Variants in PLPPR5 observed in about 807,000 individuals in gnomAD.
PLPPR5 encodes phospholipid phosphatase related 5.
A neutral mutation model predicts 33.9 loss-of-function variants in PLPPR5; 16 were observed. That is an observed-to-expected ratio of 0.47 (90% CI 0.32 to 0.72). The LOEUF (loss-of-function observed/expected upper bound fraction) is 0.72, where lower values mean the gene tolerates loss of function less well. PLPPR5 is among the 30% of genes least tolerant of loss of function. The pLI, the probability that PLPPR5 is intolerant of heterozygous loss-of-function variation, is 0.03. For missense variants in PLPPR5, 301 were observed against 406.7 expected (o/e 0.74, Z 2.23); for synonymous variants, 163 against 150.3 (o/e 1.08, Z -0.62).
chr1:98,922,750 C>T (rs1227111839), intron 3 of PLPPR5, among the ~76,000 whole-genome samples: 1 of 152,120 alleles, frequency 6.6e-6, no homozygotes, highest in African/African-American at 2.4e-5. Context: ...CTTTGGGAGG[C>T]CGAGGCGGGC....
chr1:98,896,828 TAC>T (rs1373358656), intron 5 of PLPPR5, among the ~76,000 whole-genome samples: 4 of 150,712 alleles, frequency 2.7e-5, no homozygotes, highest in African/African-American at 9.7e-5. Flanking sequence ...ACATAGAAAA[TAC>T]AGTCTGTAAT....
At chr1:98,921,162 A>G (rs1393855701) in intron 4 of PLPPR5, among the ~76,000 whole-genome samples, 1 of 152,182 alleles carries the variant, frequency 6.6e-6, no homozygotes, top group African/African-American at 2.4e-5. Context: ...ACTAAAATAC[A>G]TTTTCCAACA....
At chr1:98,927,835 C>T (rs1015636188) in intron 3 of PLPPR5, among the ~76,000 whole-genome samples, 4 of 152,114 alleles carry the variant, frequency 2.6e-5, no homozygotes, top group African/African-American at 9.7e-5. Context: ...CCTTCCCTTC[C>T]CCTAGGTTGG....
In PLPPR5 at chr1:98,914,495, C is replaced by T. The variant is rs756899593; in HGVS notation, c.933+291G>A. On this transcript the variant is annotated intron_variant, in intron 5 of 5. Transcript: ENST00000263177. ...AAAGATGAGGTTTCTCCATGTTGGC[C>T]AGGCTGGTCTTGAACTCCTGGTTTC... Among the ~76,000 whole-genome samples, 31 of 152,062 alleles carry T rather than the reference C, an allele frequency of 2.0e-4. 1 individual carries two copies. Among genetic ancestry groups the T allele is most frequent in the Admixed American group, 2.0e-3 (31 of 15,254 alleles).
At chr1:98,993,071 A>T (rs1652506428) in intron 1 of PLPPR5, among the ~76,000 whole-genome samples, 1 of 152,134 alleles carries the variant, frequency 6.6e-6, no homozygotes, top group Non-Finnish European at 1.5e-5. Flanking sequence ...AATATGTATA[A>T]AGTAGTTGAA....
chr1:98,944,004 TAGAG>T (rs1045386987), intron 3 of PLPPR5, among the ~76,000 whole-genome samples: 1 of 152,170 alleles, frequency 6.6e-6, no homozygotes, highest in Non-Finnish European at 1.5e-5. Context: ...ACTAAGGAGA[TAGAG>T]ATAGTTTGGA....
At chr1:98,913,921 C>T (rs1649246939) in intron 5 of PLPPR5, among the ~76,000 whole-genome samples, 1 of 152,318 alleles carries the variant, frequency 6.6e-6, no homozygotes, top group Non-Finnish European at 1.5e-5. Flanking sequence ...CTAATGAGGC[C>T]TTGGCCTACC....
intron 4 of PLPPR5, among the ~76,000 whole-genome samples, chr1:98,919,811 T>C (rs959890009): frequency 2.6e-5 from 4 of 152,176 alleles, no homozygotes; most frequent in African/African-American, 7.2e-5. Context: ...AAGCAAACTA[T>C]AGTTTATGGA....
intron 5 of PLPPR5, among the ~76,000 whole-genome samples, chr1:98,902,726 A>T (rs1648743209): frequency 6.6e-6 from 1 of 152,072 alleles, no homozygotes; most frequent in African/African-American, 2.4e-5. Flanking sequence ...TCCATGTGTA[A>T]CTAATTATGT....
At chr1:98,939,247 G>T in intron 3 of PLPPR5, among the ~76,000 whole-genome samples, 1 of 151,740 alleles carries the variant, frequency 6.6e-6, no homozygotes, top group Admixed American at 6.6e-5. Flanking sequence ...ATAAAATAAT[G>T]ATTATTATCA....
chr1:99,003,210 T>C (rs1426981498), intron 1 of PLPPR5, among the ~76,000 whole-genome samples: 1 of 151,110 alleles, frequency 6.6e-6, no homozygotes, highest in East Asian at 1.9e-4. Flanking sequence ...TATCAAGAAA[T>C]TACTTGATTT....
intron 1 of PLPPR5, among the ~76,000 whole-genome samples, chr1:98,992,520 A>C (rs957780042): frequency 6.6e-6 from 1 of 152,144 alleles, no homozygotes; most frequent in Non-Finnish European, 1.5e-5. Context: ...TAAGAATTCA[A>C]AATCTGTGCA....
At chr1:98,990,839 A>G (rs892306348) in intron 1 of PLPPR5, 4 of 151,714 alleles carry the variant, frequency 2.6e-5, no homozygotes, top group African/African-American at 9.7e-5. Context: ...TTAAAGAAAC[A>G]AGAGTGTCTA....
chr1:98,935,009 A>G (rs1360342802), intron 3 of PLPPR5, among the ~76,000 whole-genome samples: 4 of 152,192 alleles, frequency 2.6e-5, no homozygotes, highest in Non-Finnish European at 4.4e-5. Context: ...AACCACATTC[A>G]TGAATTCTTA....
chr1:98,978,109 C>T (rs1651925404), intron 1 of PLPPR5, among the ~76,000 whole-genome samples: 1 of 151,966 alleles, frequency 6.6e-6, no homozygotes, highest in Admixed American at 6.6e-5. Flanking sequence ...ATTCCTCTGG[C>T]ATCGACAATG....
At chr1:98,919,893 T>TC (rs1222904895) in intron 4 of PLPPR5, among the ~76,000 whole-genome samples, 5 of 152,326 alleles carry the variant, frequency 3.3e-5, no homozygotes, top group African/African-American at 1.2e-4. Flanking sequence ...TAGAGCCTTA[T>TC]AATGATCCTT....
At chr1:98,957,368 A>T (rs919726794) in intron 1 of PLPPR5, among the ~76,000 whole-genome samples, 8 of 151,838 alleles carry the variant, frequency 5.3e-5, no homozygotes, top group African/African-American at 1.9e-4. Context: ...AAGAAAAATT[A>T]TGAACAAAAA....
rs756494329 is a variant in PLPPR5, at chr1:98,906,174, AGT to A, written c.933+8610_933+8611del. Among the ~76,000 whole-genome samples, 1,182 of 150,720 alleles carry A rather than the reference AGT, an allele frequency of 7.8e-3. 15 individuals carry two copies. The highest frequency in any genetic ancestry group is 0.026 in the African/African-American group (1,080 of 40,912). On this transcript the variant is annotated intron_variant, in intron 5 of 5. Coordinates refer to ENST00000263177, the MANE Select transcript of PLPPR5 (RefSeq NM_001037317.2). ...ATACACAGTGTGTGTATATATATATAGTGTGTGTGTATATATATATATAGTGT... is the reference window on the plus strand; with the variant it reads ...ATACACAGTGTGTGTATATATATATAGTGTGTGTATATATATATATAGTGT...
At chr1:98,983,728 T>C (rs1301548620) in intron 1 of PLPPR5, among the ~76,000 whole-genome samples, 1 of 151,912 alleles carries the variant, frequency 6.6e-6, no homozygotes, top group Non-Finnish European at 1.5e-5. Flanking sequence ...TTCCTATTTC[T>C]CCACATCCTC....
Sources: gnomAD v4.1 joint callset for allele counts (sites outside exome capture counted in the v4.1 genomes callset) on GRCh38, gnomAD v4.1.1 for gene constraint, MANE v1.5 for transcripts, NCBI Gene and HGNC (gene_info 2026-07-23, HGNC 2026-07-21) for gene names.